The following RBM6 variants were observed in gnomAD, a reference collection of about 807,000 sequenced individuals.
The protein encoded by RBM6 is RNA-binding protein 6.
Under a neutral mutation model 140.4 loss-of-function variants are expected in RBM6, and 23 were observed. The ratio of observed to expected loss-of-function variants is 0.16; its 90% confidence interval spans 0.12 to 0.23. RBM6 has a LOEUF of 0.23. Ranked by LOEUF, RBM6 falls within the 10% of genes least tolerant of loss-of-function variation. The probability of loss-of-function intolerance (pLI) is 1.00; values close to 1 mark genes in which losing one functional copy is unlikely to be tolerated. For missense variants in RBM6, 1,139 were observed against 1,386.7 expected (o/e 0.82, Z 2.84); for synonymous variants, 439 against 475.6 (o/e 0.92, Z 1.00).
intron 6 of RBM6, among the ~76,000 whole-genome samples, chr3:50,003,114 C>G (rs918086744): frequency 7.9e-5 from 12 of 151,036 alleles, no homozygotes; most frequent in Admixed American, 7.3e-4. Context: ...GACTCTGTCT[C>G]AAGAAAACAA....
intron 7 of RBM6, among the ~76,000 whole-genome samples, chr3:50,049,398 CG>C (rs1467253338): frequency 6.6e-6 from 1 of 152,090 alleles, no homozygotes; most frequent in Non-Finnish European, 1.5e-5. Context: ...GCTTGAGCCA[CG>C]GCACCCAGCC....
At chr3:50,007,270 C>T (rs1424195903) in intron 6 of RBM6, among the ~76,000 whole-genome samples, 2 of 149,876 alleles carry the variant, frequency 1.3e-5, no homozygotes, top group African/African-American at 2.5e-5. Context: ...GATCTCGGCT[C>T]ACTGCAACCT....
chr3:49,949,197 A>C (rs1393432049), intron 1 of RBM6, among the ~76,000 whole-genome samples: 1 of 151,880 alleles, frequency 6.6e-6, no homozygotes, highest in Non-Finnish European at 1.5e-5. Context: ...TAAATTCTTT[A>C]ATCTTCTTCA....
Position 49,967,173 on chromosome 3 carries a change from G to A in RBM6, c.45-297G>A. The A allele has an allele frequency of 9.1e-7, 1 of 1,103,334 alleles. No homozygotes were observed. The allele number at this position is 1,103,334 out of a possible 1,614,324, so 68.3% of individuals were successfully genotyped here. A position where few individuals can be genotyped will look rare whatever the true frequency, so the allele number is the denominator to read the frequency against. On this transcript the variant is annotated intron_variant, in intron 2 of 20. Transcript: ENST00000266022. This position sits in a 1 kb window ranked among gnomAD's most constrained non-coding sequence, Gnocchi z 4.0. The stretch of plus-strand genomic sequence containing the variant: ...TATGTCACCATTGTTAGCTTATTTG[G>A]TATTGCGGATTTTCCCTGTTGCAGG...
intron 6 of RBM6, among the ~76,000 whole-genome samples, chr3:50,026,803 T>C (rs187629431): frequency 1.6e-4 from 24 of 150,212 alleles, no homozygotes; most frequent in South Asian, 6.3e-4. Context: ...GTCCCAGCTA[T>C]TGGGGAAGCC....
At chr3:50,019,775 C>G (rs898646762) in intron 6 of RBM6, among the ~76,000 whole-genome samples, 7 of 151,976 alleles carry the variant, frequency 4.6e-5, no homozygotes, top group African/African-American at 1.7e-4. Flanking sequence ...GGAGGTTCCC[C>G]TCTGTTCCTA....
rs570677291 is a variant in RBM6, at chr3:50,064,580, C to T, written c.2587-451C>T. Among the ~76,000 whole-genome samples, 11 of 152,140 alleles carry T rather than the reference C, an allele frequency of 7.2e-5. No individual in the cohort carries two copies. In the South Asian group the frequency reaches 1.9e-3, roughly 26 times the overall value. On this transcript the variant is annotated intron_variant, in intron 15 of 20. Transcript: ENST00000266022. The stretch of plus-strand genomic sequence containing the variant: ...AGGCTGGAATGGAGTGGCACGATCT[C>T]GGCTCACTGCAACCTCTGCCTCCCA...
At chr3:50,021,402 G>A (rs1467356273) in intron 6 of RBM6, among the ~76,000 whole-genome samples, 1 of 152,108 alleles carries the variant, frequency 6.6e-6, no homozygotes, top group Non-Finnish European at 1.5e-5. Context: ...CACTTTGGGA[G>A]GCCGAAACAG....
intron 19 of RBM6, among the ~76,000 whole-genome samples, chr3:50,073,732 G>T (rs541908798): frequency 6.6e-6 from 1 of 152,068 alleles, no homozygotes; most frequent in Non-Finnish European, 1.5e-5. Flanking sequence ...TTTACAAACC[G>T]TATACCTTGC....
intron 5 of RBM6, among the ~76,000 whole-genome samples, chr3:49,992,735 G>C (rs1402062290): frequency 6.6e-6 from 1 of 152,166 alleles, no homozygotes; most frequent in Non-Finnish European, 1.5e-5. Flanking sequence ...GCTAGGTTTA[G>C]GGATACAGAA....
At chr3:50,016,638 A>G (rs546889004) in intron 6 of RBM6, among the ~76,000 whole-genome samples, 7 of 151,906 alleles carry the variant, frequency 4.6e-5, no homozygotes, top group Non-Finnish European at 8.8e-5. Flanking sequence ...TATAGTAACC[A>G]TGCTAACAAG....
At chr3:49,972,283 C>A in intron 4 of RBM6, 135 bp downstream of exon 4, 2 of 674,006 alleles carry the variant, frequency 3.0e-6, no homozygotes, top group Non-Finnish European at 5.0e-6. Context: ...TTCCCATCTT[C>A]CCTCAGTGTT....
At chr3:50,040,475 T>A (rs201115843) in intron 6 of RBM6, among the ~76,000 whole-genome samples, 7 of 34,098 alleles carry the variant, frequency 2.1e-4, no homozygotes, top group Non-Finnish European at 2.5e-4. Context: ...AAAAAAAATA[T>A]ATATATATAT....
intron 8 of RBM6, 55 bp from the exon 9 acceptor site, chr3:50,057,670 CTTT>C (rs139056065): frequency 2.7e-3 from 3,269 of 1,222,660 alleles, no homozygotes; most frequent in South Asian, 5.7e-3. Flanking sequence ...AGTGTTTTTT[CTTT>C]TTTTTTTTTT....
chr3:50,025,069 A>G (rs1426914043), intron 6 of RBM6, among the ~76,000 whole-genome samples: 1 of 150,666 alleles, frequency 6.6e-6, no homozygotes, highest in Non-Finnish European at 1.5e-5. Flanking sequence ...TCCACTCTAG[A>G]TGGACTGTGG....
chr3:49,954,236 G>A (rs1024513244), intron 1 of RBM6, among the ~76,000 whole-genome samples: 1 of 151,814 alleles, frequency 6.6e-6, no homozygotes, highest in Non-Finnish European at 1.5e-5. Context: ...TCAGGAGATC[G>A]AGACCACCCT....
intron 6 of RBM6, among the ~76,000 whole-genome samples, chr3:50,042,997 C>T (rs574210274): frequency 2.0e-5 from 3 of 152,248 alleles, no homozygotes; most frequent in African/African-American, 7.2e-5. Context: ...ATTTGCCATT[C>T]TGGAGTGCAA....
At chr3:50,068,916 C>T in intron 18 of RBM6, 152 bp downstream of exon 18, 2 of 598,064 alleles carry the variant, frequency 3.3e-6, no homozygotes, top group Non-Finnish European at 2.9e-6. Context: ...TTATATAATA[C>T]AATCAAAATA....
At chr3:50,046,154 G>A (rs183651911) in intron 6 of RBM6, among the ~76,000 whole-genome samples, 21 of 151,850 alleles carry the variant, frequency 1.4e-4, no homozygotes, top group Admixed American at 1.2e-3. Flanking sequence ...GGTGGTGTGC[G>A]CCTGTAGTCC....
Sources: gnomAD v4.1 joint callset for allele counts (sites outside exome capture counted in the v4.1 genomes callset) on GRCh38, gnomAD v4.1.1 for gene constraint, Gnocchi (gnomAD v3.1) non-coding constraint, MANE v1.5 for transcripts, NCBI Gene and HGNC (gene_info 2026-07-23, HGNC 2026-07-21) for gene names.